Variants in POLM observed in about 807,000 individuals in gnomAD.
The protein encoded by POLM is DNA-directed DNA/RNA polymerase mu.
Under a neutral mutation model 56.7 loss-of-function variants are expected in POLM, and 52 were observed. The ratio of observed to expected loss-of-function variants is 0.92; its 90% confidence interval spans 0.73 to 1.15. The LOEUF is 1.15. Ranked by LOEUF, POLM falls within the 50% of genes most tolerant of loss-of-function variation. POLM has a pLI of 0.00. For synonymous variants in POLM, 273 were observed against 274.3 expected (o/e 1.00, Z 0.05); for missense variants, 660 against 663.6 (o/e 0.99, Z 0.06).
At position 44,079,748 on chromosome 7, in the gene POLM, G is replaced by A. The variant is rs1562672217; in HGVS notation, c.472-7C>T. 6.2e-7 allele frequency: 1 copy of A among 1,609,250 alleles called. No individual in the cohort carries two copies. Among genetic ancestry groups the A allele is most frequent in the Non-Finnish European group, 8.5e-7 (1 of 1,176,944 alleles). On this transcript the variant is annotated splice_polypyrimidine_tract_variant and splice_region_variant and intron_variant, in intron 3 of 10. Coordinates refer to ENST00000242248, the MANE Select transcript of POLM (RefSeq NM_013284.4). ...CCAGTATCTCCAGAGCCTCCTGCAG[G>A]GAGGGGCCCTAGGTAAGGGGCAGGG... is the stretch of plus-strand genomic sequence containing the variant.
At chr7:44,074,349 TG>T in intron 7 of POLM, 48 bp downstream of exon 7, 1 of 1,549,186 alleles carries the variant, frequency 6.5e-7, no homozygotes, top group Non-Finnish European at 8.7e-7. Context: ...GTCCCTTCAC[TG>T]GGGAGGGGTC....
chr7:44,073,110 T>G lies in POLM; in HGVS notation c.*181A>C, dbSNP rs1586008444. The G allele has an allele frequency of 6.8e-7, 1 of 1,481,002 alleles. No individual in the cohort carries two copies. The highest frequency in any genetic ancestry group is 9.0e-7 in the Non-Finnish European group (1 of 1,116,776). The allele number at this position is 1,481,002 out of a possible 1,614,324, so 91.7% of individuals were successfully genotyped here. On this transcript the variant is annotated 3_prime_UTR_variant, in exon 11 of 11. Coordinates refer to ENST00000242248, the MANE Select transcript of POLM (RefSeq NM_013284.4). ...TGAGGGCTCCCACCTCATCACACCC[T>G]GCAGCACACCAGCAGGGGCTCAACT...
chr7:44,074,284 G>C (rs755417405), intron 7 of POLM, 51 bp from the exon 8 acceptor site: 6 of 1,542,804 alleles, frequency 3.9e-6, no homozygotes, highest in Non-Finnish European at 1.8e-6. Context: ...GCTCACTCCA[G>C]CCCCAGGCCA....
At position 44,073,756 on chromosome 7, in the gene POLM, C is replaced by T. The variant is rs780935332; in HGVS notation, c.1314+27G>A. 4.3e-5 allele frequency: 69 copies of T among 1,613,938 alleles called. No homozygotes were observed. In the Middle Eastern group the frequency reaches 8.2e-4, roughly 19 times the overall value. On this transcript the variant is annotated intron_variant, in intron 9 of 10. Transcript: ENST00000242248. ...AGCAGGGCTGGCCCAGCCCCACCCCCAGGCGGCCCAGCGGCACACTGCCTA... is the reference window on the plus strand; with the variant it reads ...AGCAGGGCTGGCCCAGCCCCACCCCTAGGCGGCCCAGCGGCACACTGCCTA...
intron 6 of POLM, among the ~76,000 whole-genome samples, chr7:44,075,038 G>A (rs960909782): frequency 6.6e-6 from 1 of 152,128 alleles, no homozygotes; most frequent in African/African-American, 2.4e-5. Flanking sequence ...CCTCCCACAC[G>A]CAGTTAAGGA....
chr7:44,080,830 G>A lies in POLM; in HGVS notation c.275C>T (p.Pro92Leu), dbSNP rs376249913. 1.7e-5 allele frequency: 27 copies of A among 1,612,498 alleles called. No homozygotes were observed. The highest frequency in any genetic ancestry group is 3.3e-4 in the Middle Eastern group (2 of 6,074). The change falls in exon 2 of 11, where the codon CCG becomes CTG. Residue 92 changes from proline to leucine, a missense_variant. Pro to Leu is a moderately conservative substitution (Grantham distance 98). Transcript: ENST00000242248. ...WQERRMAAAP[P>L]GCTPPALLDI... ...CAGCAGAGCTGGGGGGGTGCAACCC[G>A]GGGGAGCAGCTGCCATCCTGCGCTC...
At position 44,074,390 on chromosome 7, in the gene POLM, C is replaced by A. The variant is rs1554314244; in HGVS notation, c.968+8G>T. On this transcript the variant is annotated splice_region_variant and intron_variant, in intron 7 of 10. Coordinates refer to ENST00000242248, the MANE Select transcript of POLM (RefSeq NM_013284.4). ...GCCAAGCCAGAGGGGCACGTCGGGCCTTCTTACCTGCGGAAGCCGCCGGTC... is the reference window on the plus strand; with the variant it reads ...GCCAAGCCAGAGGGGCACGTCGGGCATTCTTACCTGCGGAAGCCGCCGGTC... The A allele has an allele frequency of 3.9e-6, 6 of 1,553,928 alleles. No individual in the cohort carries two copies. Among genetic ancestry groups the A allele is most frequent in the Non-Finnish European group, 8.7e-7 (1 of 1,148,402 alleles).
intron 2 of POLM, chr7:44,080,270 T>C (rs2096195981): frequency 1.9e-6 from 1 of 527,494 alleles, no homozygotes; most frequent in Non-Finnish European, 3.6e-6. Flanking sequence ...GGGCTGGGGA[T>C]GCTGAGGCCT....
chr7:44,073,054 A>G lies in POLM; in HGVS notation c.*237T>C. 7.0e-7 allele frequency: 1 copy of G among 1,421,406 alleles called. No homozygotes were observed. Among genetic ancestry groups the G allele is most frequent in the South Asian group, 1.5e-5 (1 of 67,562 alleles). The allele number at this position is 1,421,406 out of a possible 1,614,324, so 88.0% of individuals were successfully genotyped here. On this transcript the variant is annotated 3_prime_UTR_variant, in exon 11 of 11. Coordinates refer to ENST00000242248, the MANE Select transcript of POLM (RefSeq NM_013284.4). Reference sequence around the variant, plus strand: ...TGAGCCATGGGGAGGCTAAGAGCAGACCCAGGGTCACACAGTGATGAGGCT... The same window carrying G: ...TGAGCCATGGGGAGGCTAAGAGCAGGCCCAGGGTCACACAGTGATGAGGCT...
In POLM at chr7:44,080,234, C is replaced by T. The variant is rs1241157131; in HGVS notation, c.373-275G>A. 5.5e-6 allele frequency: 3 copies of T among 546,718 alleles called. No homozygotes were observed. In the African/African-American group the frequency reaches 5.7e-5, roughly 10 times the overall value. 33.9% of individuals were successfully genotyped at this position (546,718 alleles called of 1,614,324 possible). On this transcript the variant is annotated intron_variant, in intron 2 of 10. Coordinates refer to ENST00000242248, the MANE Select transcript of POLM (RefSeq NM_013284.4). Reference sequence around the variant, plus strand: ...GCTGCTGCACATGATGCATGTACTCCATCACCCCAATCCTCACAACCAAGC... The same window carrying T: ...GCTGCTGCACATGATGCATGTACTCTATCACCCCAATCCTCACAACCAAGC...
rs778171649 is a variant in POLM at position 44,073,322 on chromosome 7, T to A, written c.1454A>T (p.Glu485Val). 1 of 1,614,080 alleles carries A rather than the reference T, an allele frequency of 6.2e-7. No homozygotes were observed. Among genetic ancestry groups the A allele is most frequent in the South Asian group, 1.1e-5 (1 of 91,090 alleles). Residue 485 changes from glutamate (E) to valine (V), a missense_variant, in exon 11 of 11, where the codon GAG (glutamate) becomes GTG (valine). Coordinates refer to ENST00000242248, the MANE Select transcript of POLM (RefSeq NM_013284.4). ...EEDIFRHLGL[E>V]YLPPEQRNA ...GTTTCTCTGCTCTGGAGGAAGGTAC[T>A]CAAGGCCCAGGTGTCTGAAGATGTC...
intron 1 of POLM, among the ~76,000 whole-genome samples, chr7:44,081,792 C>T (rs1363190949): frequency 1.3e-5 from 2 of 148,638 alleles, no homozygotes; most frequent in Non-Finnish European, 3.0e-5. Context: ...GTCGCCCAGG[C>T]TGGAGTGCAG....
chr7:44,078,174 A>C (rs2096188865), intron 5 of POLM: 1 of 154,264 alleles, frequency 6.5e-6, no homozygotes, highest in African/African-American at 2.4e-5. Flanking sequence ...TCCATCAAAA[A>C]CAGTCAAGGC....
In POLM at chr7:44,080,820, G is replaced by C. The variant is rs780912166; in HGVS notation, c.285C>G (p.Thr95=). The C allele has an allele frequency of 1.2e-6, 2 of 1,613,596 alleles. No homozygotes were observed. The highest frequency in any genetic ancestry group is 1.7e-6 in the Non-Finnish European group (2 of 1,179,750). The part of the protein sequence containing the change: ...RRMAAAPPGC[T]PPALLDISWL... ...AGCTTATGTCCAGCAGAGCTGGGGG[G>C]GTGCAACCCGGGGGAGCAGCTGCCA... The change falls in exon 2 of 11, where the codon ACC becomes ACG. Residue 95 remains threonine, a synonymous_variant. Transcript: ENST00000242248.
Position 44,079,692 on chromosome 7 carries a change from C to T in POLM, c.521G>A (p.Gly174Asp), listed in dbSNP as rs750082613. 16 of 1,612,360 alleles carry T rather than the reference C, an allele frequency of 9.9e-6. No individual in the cohort carries two copies. The highest frequency in any genetic ancestry group is 4.0e-5 in the African/African-American group (3 of 74,896). Residue 174 changes from glycine (G) to aspartate (D), a missense_variant, in exon 4 of 11, where the codon GGC becomes GAC. Physicochemically the swap from Gly to Asp is moderately conservative, Grantham distance 94 (BLOSUM62 -1). Transcript: ENST00000242248. Reference protein sequence around the residue: ...AEAAGFEGSEGRLLTFCRAAS... With the variant: ...AEAAGFEGSEDRLLTFCRAAS... ...TGCTCTGCAGAAGGTGAGGAGGCGG[C>T]CCTCACTGCCTTCAAAGCCTGCTGC...
intron 5 of POLM, 106 bp downstream of exon 5, chr7:44,078,634 G>T: frequency 1.0e-6 from 1 of 987,064 alleles, no homozygotes; most frequent in Non-Finnish European, 1.6e-6. Context: ...CTGACCCCTG[G>T]GCTGGGTCAG....
chr7:44,078,745 T>C lies in POLM; in HGVS notation c.709A>G (p.Met237Val), dbSNP rs535554895. The C allele has an allele frequency of 1.1e-5, 17 of 1,613,830 alleles. No homozygotes were observed. The South Asian group carries it at 1.4e-4, about 14-fold the overall frequency. The change falls in exon 5 of 11, where the codon ATG (methionine) becomes GTG (valine). Residue 237 changes from methionine (M) to valine (V), a missense_variant. Met to Val is a conservative substitution (Grantham distance 21, BLOSUM62 1). Transcript: ENST00000242248. ...CCGAGCCCTGCCCTGCGCACCTTCA[T>C]GGTCTGGTACCTCTCTGAGCGCCGA... Reference protein sequence around the residue: ...RVRRSERYQTMKLFTQIFGVG... With the variant: ...RVRRSERYQTVKLFTQIFGVG...
In POLM at chr7:44,073,296, C is replaced by G. The variant is rs201857877; in HGVS notation, c.1480G>C (p.Ala494Pro). ...LEYLPPEQRN[A>P] ...AGTGGGGGACACAGGCAGGCTCAGG[C>G]GTTTCTCTGCTCTGGAGGAAGGTAC... Residue 494 changes from alanine (A) to proline (P), a missense_variant, in exon 11 of 11, where the codon GCC becomes CCC. By Grantham distance (27) the Ala-to-Pro change is conservative. Coordinates refer to ENST00000242248, the MANE Select transcript of POLM (RefSeq NM_013284.4). 2 of 1,614,184 alleles carry G rather than the reference C, an allele frequency of 1.2e-6. No homozygotes were observed. The highest frequency in any genetic ancestry group is 1.7e-6 in the Non-Finnish European group (2 of 1,180,010).
At position 44,079,540 on chromosome 7, in the gene POLM, C is replaced by A; in HGVS notation, c.642+31G>T. The A allele has an allele frequency of 2.0e-6, 3 of 1,504,310 alleles. No individual in the cohort carries two copies. The South Asian group carries it at 3.4e-5, about 17-fold the overall frequency. The allele number at this position is 1,504,310 out of a possible 1,614,324, so 93.2% of individuals were successfully genotyped here. ...AGGCCCCAAGGCCTCCCCACCCACC[C>A]ACTCACCCTGCTAGGATGGTAAGCA... On this transcript the variant is annotated intron_variant, in intron 4 of 10. Transcript: ENST00000242248.
Sources: gnomAD v4.1 joint callset for allele counts (sites outside exome capture counted in the v4.1 genomes callset) on GRCh38, gnomAD v4.1.1 for gene constraint, MANE v1.5 for transcripts, NCBI Gene and HGNC (gene_info 2026-07-23, HGNC 2026-07-21) for gene names.